The following DOCK3 variants were observed in gnomAD, a reference collection of about 807,000 sequenced individuals.
DOCK3 encodes the protein dedicator of cytokinesis protein 3.
In DOCK3, 60 loss-of-function variants were observed where a neutral mutation model predicts 265.6. That is an observed-to-expected ratio of 0.23 (90% CI 0.18 to 0.28). The LOEUF (loss-of-function observed/expected upper bound fraction) is 0.28, where lower values mean the gene tolerates loss of function less well. DOCK3 is among the 10% of genes least tolerant of loss of function. The pLI, the probability that DOCK3 is intolerant of heterozygous loss-of-function variation, is 1.00. For synonymous variants in DOCK3, 881 were observed against 938.0 expected (o/e 0.94, Z 1.11); for missense variants, 1,981 against 2,594.3 (o/e 0.76, Z 5.14).
At chr3:51,291,208 A>G (rs2081749591) in intron 27 of DOCK3, among the ~76,000 whole-genome samples, 1 of 152,212 alleles carries the variant, frequency 6.6e-6, no homozygotes. Context: ...AAGAAGCAAG[A>G]TCTCAAACAA....
intron 7 of DOCK3, among the ~76,000 whole-genome samples, chr3:51,088,166 A>G (rs2082499291): frequency 6.6e-6 from 1 of 152,036 alleles, no homozygotes; most frequent in Admixed American, 6.6e-5. Context: ...CAAATATCTC[A>G]TGTTCTATCA....
At chr3:51,273,848 C>G (rs1198229959) in intron 24 of DOCK3, among the ~76,000 whole-genome samples, 2 of 152,142 alleles carry the variant, frequency 1.3e-5, no homozygotes, top group African/African-American at 4.8e-5. Context: ...TATGATGGGA[C>G]CTGCAGAGTC....
intron 3 of DOCK3, among the ~76,000 whole-genome samples, chr3:50,888,908 A>G (rs1035964143): frequency 3.9e-5 from 6 of 151,988 alleles, no homozygotes; most frequent in South Asian, 2.1e-4. Flanking sequence ...TTAAGTCTCT[A>G]TATTCTCCCA....
chr3:50,700,226 C>T (rs529367161), intron 1 of DOCK3, among the ~76,000 whole-genome samples: 3 of 152,306 alleles, frequency 2.0e-5, no homozygotes, highest in African/African-American at 4.8e-5. Context: ...TTGCAATGAG[C>T]GGAGATCGCA....
chr3:50,821,038 G>A (rs2044382655), intron 2 of DOCK3, among the ~76,000 whole-genome samples: 1 of 151,070 alleles, frequency 6.6e-6, no homozygotes. Context: ...ATAGATTCTG[G>A]ATATTAGTCC....
At chr3:51,266,723 C>T (rs1312541077) in intron 23 of DOCK3, among the ~76,000 whole-genome samples, 2 of 152,120 alleles carry the variant, frequency 1.3e-5, no homozygotes, top group Non-Finnish European at 2.9e-5. Flanking sequence ...CCATAACAAC[C>T]CTACAAGAAA....
At chr3:50,912,846 C>T (rs1401167864) in intron 4 of DOCK3, among the ~76,000 whole-genome samples, 1 of 152,062 alleles carries the variant, frequency 6.6e-6, no homozygotes, top group East Asian at 1.9e-4. Flanking sequence ...CCCTTCAGGG[C>T]AGTGGCCTCC....
chr3:51,120,168 T>C (rs1368867521), intron 9 of DOCK3, among the ~76,000 whole-genome samples: 1 of 152,238 alleles, frequency 6.6e-6, no homozygotes, highest in Non-Finnish European at 1.5e-5. Flanking sequence ...TATTTTTTGC[T>C]GATGTTGATG....
intron 9 of DOCK3, among the ~76,000 whole-genome samples, chr3:51,134,967 A>G (rs2084728477): frequency 1.3e-5 from 2 of 152,242 alleles, no homozygotes; most frequent in Admixed American, 6.5e-5. Flanking sequence ...TTAGGCAAGA[A>G]AAGAAATACT....
chr3:51,171,709 C>A (rs1210089745), intron 12 of DOCK3, among the ~76,000 whole-genome samples: 3 of 147,948 alleles, frequency 2.0e-5, no homozygotes, highest in Non-Finnish European at 4.5e-5. Context: ...GAGCGAGACT[C>A]CATCTCAAAA....
chr3:51,199,017 G>A (rs1354264076), intron 12 of DOCK3, among the ~76,000 whole-genome samples: 2 of 152,080 alleles, frequency 1.3e-5, no homozygotes, highest in African/African-American at 4.8e-5. Flanking sequence ...GCAACAGAGG[G>A]AGACTCCGAC....
chr3:51,296,877 G>T (rs1440432885), intron 27 of DOCK3, among the ~76,000 whole-genome samples: 1 of 151,952 alleles, frequency 6.6e-6, no homozygotes, highest in Non-Finnish European at 1.5e-5. Flanking sequence ...CCAGCACTTT[G>T]GGCGTCTGAG....
At chr3:50,874,745 T>G (rs1044677730) in intron 3 of DOCK3, among the ~76,000 whole-genome samples, 1 of 152,232 alleles carries the variant, frequency 6.6e-6, no homozygotes, top group Non-Finnish European at 1.5e-5. Flanking sequence ...GATTTTTCAC[T>G]GGTAGTATAT....
In DOCK3 at chr3:51,228,102, C is replaced by A. The variant is rs2090404781; in HGVS notation, c.1647+14C>A. The stretch of plus-strand genomic sequence containing the variant: ...TATGTGTACAAGGTATGAAGCCTAG[C>A]TGCCTTTCATCCCCACCCCTTACCT... On this transcript the variant is annotated intron_variant, in intron 17 of 52. Coordinates refer to ENST00000266037, the MANE Select transcript of DOCK3 (RefSeq NM_004947.5). 1 of 1,612,944 alleles carries A rather than the reference C, an allele frequency of 6.2e-7. No homozygotes were observed. The highest frequency in any genetic ancestry group is 8.5e-7 in the Non-Finnish European group (1 of 1,179,116).
intron 9 of DOCK3, among the ~76,000 whole-genome samples, chr3:51,108,002 C>G (rs991659714): frequency 2.0e-5 from 3 of 151,040 alleles, no homozygotes; most frequent in African/African-American, 7.3e-5. Flanking sequence ...AACAGAAACC[C>G]TACAAGCCAG....
chr3:51,266,175 G>A (rs1194559248), intron 23 of DOCK3, among the ~76,000 whole-genome samples: 1 of 152,110 alleles, frequency 6.6e-6, no homozygotes, highest in East Asian at 1.9e-4. Context: ...AAGGAAATAA[G>A]AGAGGACACA....
chr3:50,940,289 CA>C (rs34253657), intron 5 of DOCK3, among the ~76,000 whole-genome samples: 97,070 of 117,176 alleles, frequency 0.83, 39,964 homozygotes, highest in East Asian at 0.91. Flanking sequence ...CCATTTCTAC[CA>C]AAAAAAAAAA....
chr3:50,699,800 TCTA>T (rs2035916922), intron 1 of DOCK3, among the ~76,000 whole-genome samples: 1 of 152,180 alleles, frequency 6.6e-6, no homozygotes. Context: ...GAGACAAAAG[TCTA>T]CTACTGAAGC....
chr3:51,078,456 A>G (rs2082124975), intron 7 of DOCK3, among the ~76,000 whole-genome samples: 1 of 152,188 alleles, frequency 6.6e-6, no homozygotes, highest in South Asian at 2.1e-4. Context: ...CAGAACATGG[A>G]TATGAGTCTC....
Sources: allele counts gnomAD v4.1 joint callset (sites outside exome capture counted in the v4.1 genomes callset), GRCh38; gene constraint gnomAD v4.1.1; transcripts MANE v1.5; gene names NCBI Gene and HGNC (gene_info 2026-07-23, HGNC 2026-07-21).